Variants in PAM observed in about 807,000 individuals in gnomAD.
PAM encodes the protein peptidyl-glycine alpha-amidating monooxygenase.
Under a neutral mutation model 122.1 loss-of-function variants are expected in PAM, and 72 were observed. That is an observed-to-expected ratio of 0.59 (90% CI 0.49 to 0.72). The LOEUF is 0.72. Ranked by LOEUF, PAM falls within the 30% of genes least tolerant of loss-of-function variation. PAM has a pLI of 0.00. For missense variants in PAM, 1,106 were observed against 1,183.7 expected (o/e 0.93, Z 0.96); for synonymous variants, 389 against 404.4 (o/e 0.96, Z 0.46).
intron 1 of PAM, among the ~76,000 whole-genome samples, chr5:102,811,235 C>G (rs1243863974): frequency 6.6e-6 from 1 of 152,232 alleles, no homozygotes; most frequent in Non-Finnish European, 1.5e-5. Flanking sequence ...TTACAGTTCT[C>G]TTGGTTACAA....
chr5:103,018,771 A>G (rs1184621737), intron 22 of PAM, among the ~76,000 whole-genome samples: 1 of 152,222 alleles, frequency 6.6e-6, no homozygotes, highest in Non-Finnish European at 1.5e-5. Context: ...GAACTCATTA[A>G]TATTTCAATC....
intron 1 of PAM, among the ~76,000 whole-genome samples, chr5:102,803,474 T>C (rs1765433546): frequency 6.6e-6 from 1 of 152,024 alleles, no homozygotes; most frequent in Non-Finnish European, 1.5e-5. Context: ...AAACAGTGGA[T>C]TCACTGTGAG....
At chr5:102,968,582 G>A (rs1764812190) in intron 14 of PAM, among the ~76,000 whole-genome samples, 1 of 152,154 alleles carries the variant, frequency 6.6e-6, no homozygotes, top group South Asian at 2.1e-4. Context: ...CAATTGGTAA[G>A]CAGCAAACGT....
At chr5:102,784,367 C>T (rs756853154) in intron 1 of PAM, among the ~76,000 whole-genome samples, 2 of 152,144 alleles carry the variant, frequency 1.3e-5, no homozygotes, top group African/African-American at 2.4e-5. Flanking sequence ...AGTTTCCCCC[C>T]TTGCACCCAC....
At chr5:102,856,905 T>C (rs1782781530) in intron 1 of PAM, among the ~76,000 whole-genome samples, 1 of 151,974 alleles carries the variant, frequency 6.6e-6, no homozygotes, top group Non-Finnish European at 1.5e-5. Context: ...AAAATACCAT[T>C]CAATTTGCTA....
chr5:103,028,853 T>C (rs1785762967), intron 25 of PAM, 34 bp from the exon 26 acceptor site: 2 of 1,499,554 alleles, frequency 1.3e-6, no homozygotes. Flanking sequence ...GCTGCAAACT[T>C]TACCCAATTC....
chr5:102,921,510 A>G (rs1473355753), intron 5 of PAM, among the ~76,000 whole-genome samples: 2 of 152,042 alleles, frequency 1.3e-5, no homozygotes, highest in Non-Finnish European at 2.9e-5. Context: ...ATTGAGTTTT[A>G]GGATTAGTTC....
rs113524426 is a variant in PAM, at chr5:103,014,017, A to G, written c.2332-3317A>G. On this transcript the variant is annotated intron_variant, in intron 21 of 25. Transcript: ENST00000438793. Reference sequence around the variant, plus strand: ...ACTGATAATAAATATTTTATTCCATAGTGTTTCAGATCCTTATTGATTATC... The same window carrying G: ...ACTGATAATAAATATTTTATTCCATGGTGTTTCAGATCCTTATTGATTATC... Among the ~76,000 whole-genome samples the G allele has an allele frequency of 7.9e-3, 1,201 of 152,288 alleles. 21 individuals carry two copies. Among genetic ancestry groups the G allele is most frequent in the African/African-American group, 0.026 (1,092 of 41,562 alleles).
At chr5:102,777,502 T>C (rs1233294080) in intron 1 of PAM, among the ~76,000 whole-genome samples, 2 of 152,128 alleles carry the variant, frequency 1.3e-5, no homozygotes, top group Non-Finnish European at 1.5e-5. Flanking sequence ...ATAAAATTTC[T>C]AGTAAAATCA....
intron 16 of PAM, among the ~76,000 whole-genome samples, chr5:103,000,537 G>A (rs1777075592): frequency 6.6e-6 from 1 of 151,964 alleles, no homozygotes. Context: ...CCTATTTCTG[G>A]TACCAATTTC....
At position 102,894,813 on chromosome 5, in the gene PAM, C is replaced by T. The variant is rs1795736161; in HGVS notation, c.211-6543C>T. Among the ~76,000 whole-genome samples, 6 of 151,726 alleles carry T rather than the reference C, an allele frequency of 4.0e-5. No homozygotes were observed. The South Asian group carries it at 1.2e-3, about 31-fold the overall frequency. On this transcript the variant is annotated intron_variant, in intron 3 of 25. Coordinates refer to ENST00000438793, the MANE Select transcript of PAM (RefSeq NM_001177306.2). ...CAGGAGTTATTCTCAACACTGCCTC[C>T]TTACCTTCCTTTCAAATCCACTCCC... is the stretch of plus-strand genomic sequence containing the variant.
chr5:102,853,992 A>G (rs529684469), intron 1 of PAM, among the ~76,000 whole-genome samples: 3 of 152,378 alleles, frequency 2.0e-5, no homozygotes, highest in African/African-American at 7.2e-5. Flanking sequence ...AATAAATACC[A>G]GAAGTACAGC....
rs1187415118 is a variant in PAM at position 102,942,549 on chromosome 5, G to A, written c.527-4288G>A. On this transcript the variant is annotated intron_variant, in intron 7 of 25. Coordinates refer to ENST00000438793, the MANE Select transcript of PAM (RefSeq NM_001177306.2). The stretch of plus-strand genomic sequence containing the variant: ...ACACTCTGGGAGGGTGGGAAGATAC[G>A]ATACAGTTTAGAATTATTTGCTTCC... Among the ~76,000 whole-genome samples, 3 of 151,712 alleles carry A rather than the reference G, an allele frequency of 2.0e-5. No individual in the cohort carries two copies. In the South Asian group the frequency reaches 6.2e-4, roughly 32 times the overall value.
chr5:102,813,189 A>T (rs1304227123), intron 1 of PAM, among the ~76,000 whole-genome samples: 1 of 152,186 alleles, frequency 6.6e-6, no homozygotes, highest in East Asian at 1.9e-4. Flanking sequence ...CTTTGTTAAA[A>T]ATTATCTTTA....
At chr5:102,929,846 A>G (rs1750853427) in intron 7 of PAM, among the ~76,000 whole-genome samples, 1 of 150,966 alleles carries the variant, frequency 6.6e-6, no homozygotes, top group Non-Finnish European at 1.5e-5. Context: ...TTCTTAAAAC[A>G]TTATGAGATG....
chr5:103,005,604 A>T (rs1356473089), intron 18 of PAM, among the ~76,000 whole-genome samples: 1 of 152,116 alleles, frequency 6.6e-6, no homozygotes, highest in East Asian at 1.9e-4. Context: ...CACTAATCCC[A>T]TTCATGAGAA....
chr5:102,756,116 G>A lies in PAM; in HGVS notation c.-374+768G>A, dbSNP rs144437740. Among the ~76,000 whole-genome samples the A allele has an allele frequency of 2.4e-4, 37 of 152,296 alleles. No individual in the cohort carries two copies. The East Asian group carries it at 7.0e-3, about 29-fold the overall frequency. On this transcript the variant is annotated intron_variant, in intron 1 of 25. Coordinates refer to ENST00000438793, the MANE Select transcript of PAM (RefSeq NM_001177306.2). ...TGCGTCAGCTCTGCCTGCCGCTGAGGGTAGTTGTGGGGCTCCCTTGGGATG... is the reference window on the plus strand; with the variant it reads ...TGCGTCAGCTCTGCCTGCCGCTGAGAGTAGTTGTGGGGCTCCCTTGGGATG...
At chr5:103,010,624 A>AT (rs1459579520) in intron 21 of PAM, among the ~76,000 whole-genome samples, 1 of 152,198 alleles carries the variant, frequency 6.6e-6, no homozygotes, top group Non-Finnish European at 1.5e-5. Flanking sequence ...GTAAAGATTC[A>AT]TTGGTTTTAA....
chr5:102,885,353 A>G (rs1403333544), intron 3 of PAM, among the ~76,000 whole-genome samples: 2 of 152,008 alleles, frequency 1.3e-5, no homozygotes, highest in Non-Finnish European at 2.9e-5. Context: ...TGACGTTATC[A>G]GTTATAATAT....
Sources: gnomAD v4.1 joint callset for allele counts (sites outside exome capture counted in the v4.1 genomes callset) on GRCh38, gnomAD v4.1.1 for gene constraint, MANE v1.5 for transcripts, NCBI Gene and HGNC (gene_info 2026-07-23, HGNC 2026-07-21) for gene names.